MAST4: variants seen among roughly 807,000 people sequenced by gnomAD.
MAST4 encodes the protein microtubule-associated serine/threonine-protein kinase 4.
In MAST4, 89 loss-of-function variants were observed where a neutral mutation model predicts 162.7. The observed-to-expected ratio is 0.55, with a 90% CI of 0.46 to 0.65. The LOEUF is 0.65. Among genes scored for constraint, MAST4 ranks in the 30% least tolerant of loss-of-function variants. MAST4 has a pLI of 0.00. For synonymous variants in MAST4, 1,479 were observed against 1,361.1 expected, an observed-to-expected ratio of 1.09 and a Z score of -1.91; for missense variants, 3,153 against 3,374.0, an observed-to-expected ratio of 0.93 and a Z score of 1.62.
At chr5:66,732,760 T>C (rs1454728914) in intron 1 of MAST4, among the ~76,000 whole-genome samples, 1 of 152,234 alleles carries the variant, frequency 6.6e-6, no homozygotes, top group Non-Finnish European at 1.5e-5. Context: ...TGGTCTATTC[T>C]ACCTCATGAG....
intron 4 of MAST4, among the ~76,000 whole-genome samples, chr5:66,966,282 A>G (rs187551346): frequency 5.1e-4 from 77 of 152,306 alleles, no homozygotes; most frequent in Non-Finnish European, 8.8e-4. Context: ...TTCTTTAGTC[A>G]TTTTTATTTC....
chr5:66,949,948 T>C (rs1032591308), intron 4 of MAST4, among the ~76,000 whole-genome samples: 3 of 152,162 alleles, frequency 2.0e-5, no homozygotes. Flanking sequence ...ACCTCTAAAA[T>C]AGATTCTTTG....
In MAST4 at chr5:66,721,126, T is replaced by C. The variant is rs1405560937; in HGVS notation, c.364-38583T>C. ...CAGACTTTCCTTCTCTCCTGCATTG[T>C]GCGTGTCCACACATAAGTATGCTGT... is the stretch of plus-strand genomic sequence containing the variant. On this transcript the variant is annotated intron_variant, in intron 1 of 28. Transcript: ENST00000403625. 7.9e-5 allele frequency among the ~76,000 whole-genome samples: 12 copies of C among 152,354 alleles called. No individual in the cohort carries two copies. In the South Asian group the frequency reaches 1.7e-3, roughly 21 times the overall value.
At position 67,169,529 on chromosome 5, in the gene MAST4, A is replaced by ATCCTT. The variant is rs1365612168; in HGVS notation, c.*2479_*2480insCCTTT. ...TCCTTATGGACGTCATAATTGTTGTATATTGAACAAAATATTTATACTTAT... is the reference window on the plus strand; with the variant it reads ...TCCTTATGGACGTCATAATTGTTGTATCCTTTATTGAACAAAATATTTATACTTAT... On this transcript the variant is annotated 3_prime_UTR_variant, in exon 29 of 29. Coordinates refer to ENST00000403625, the MANE Select transcript of MAST4 (RefSeq NM_001164664.2). 3.9e-5 allele frequency: 6 copies of ATCCTT among 152,232 alleles called. No homozygotes were observed. Among genetic ancestry groups the ATCCTT allele is most frequent in the African/African-American group, 1.4e-4 (6 of 41,460 alleles). The allele number at this position is 152,232 out of a possible 1,614,324, so 9.4% of individuals were successfully genotyped here. A position where few individuals can be genotyped will look rare whatever the true frequency, so the allele number is the denominator to read the frequency against.
At chr5:66,810,476 G>C (rs1053317501) in intron 3 of MAST4, among the ~76,000 whole-genome samples, 2 of 152,204 alleles carry the variant, frequency 1.3e-5, no homozygotes, top group Admixed American at 6.5e-5. Context: ...ATCTTGAAGA[G>C]TGGCACACAT....
intron 3 of MAST4, among the ~76,000 whole-genome samples, chr5:66,829,856 A>T (rs2149754135): frequency 9.2e-6 from 1 of 108,918 alleles, no homozygotes; most frequent in Non-Finnish European, 2.1e-5. Context: ...CTATAATATT[A>T]ATATAGGCAA....
intron 4 of MAST4, among the ~76,000 whole-genome samples, chr5:67,013,815 G>C (rs1283097417): frequency 6.6e-6 from 1 of 152,138 alleles, no homozygotes; most frequent in East Asian, 1.9e-4. Flanking sequence ...AATTATGTTT[G>C]GCATGGGAAA....
At chr5:67,113,306 T>TCC (rs1766474676) in intron 11 of MAST4, among the ~76,000 whole-genome samples, 1 of 89,270 alleles carries the variant, frequency 1.1e-5, no homozygotes, top group Admixed American at 2.1e-4. Context: ...AGAGCGAGAC[T>TCC]CCGTCTCAAA....
chr5:67,052,885 T>C (rs2150552102), intron 4 of MAST4, among the ~76,000 whole-genome samples: 1 of 152,274 alleles, frequency 6.6e-6, no homozygotes, highest in East Asian at 1.9e-4. Flanking sequence ...TATTTCTGTA[T>C]TGGAATGAAA....
intron 4 of MAST4, among the ~76,000 whole-genome samples, chr5:66,987,256 A>T (rs1749615809): frequency 6.6e-6 from 1 of 152,152 alleles, no homozygotes; most frequent in African/African-American, 2.4e-5. Context: ...ACGAAAAAGG[A>T]GTCACACTTT....
intron 4 of MAST4, among the ~76,000 whole-genome samples, chr5:67,049,300 T>A (rs957670942): frequency 5.3e-5 from 8 of 151,924 alleles, no homozygotes; most frequent in African/African-American, 1.7e-4. Flanking sequence ...TCTATTAAAA[T>A]TTTTGAGACC....
At chr5:66,875,930 G>A (rs570561631) in intron 3 of MAST4, among the ~76,000 whole-genome samples, 1 of 152,172 alleles carries the variant, frequency 6.6e-6, no homozygotes, top group East Asian at 1.9e-4. Context: ...CCCAGCTCAC[G>A]TTTTTATTTT....
intron 4 of MAST4, among the ~76,000 whole-genome samples, chr5:66,999,302 G>A (rs780852273): frequency 1.1e-4 from 17 of 152,158 alleles, no homozygotes; most frequent in Non-Finnish European, 1.8e-4. Flanking sequence ...TAGAGTGCTG[G>A]AGTGTGCTTG....
intron 26 of MAST4, among the ~76,000 whole-genome samples, chr5:67,154,436 TG>T (rs1350195027): frequency 6.6e-6 from 1 of 152,254 alleles, no homozygotes; most frequent in African/African-American, 2.4e-5. Context: ...GAGACATAAT[TG>T]ATCACTTTCG....
intron 1 of MAST4, among the ~76,000 whole-genome samples, chr5:66,682,143 A>G (rs1194887993): frequency 6.6e-6 from 1 of 152,122 alleles, no homozygotes; most frequent in African/African-American, 2.4e-5. Context: ...CTCTGGGATG[A>G]AGTTTCACAT....
intron 1 of MAST4, among the ~76,000 whole-genome samples, chr5:66,717,256 A>AT (rs1407133954): frequency 1.3e-5 from 2 of 152,178 alleles, no homozygotes; most frequent in Non-Finnish European, 2.9e-5. Context: ...AAATGCTGCT[A>AT]TTAAGATAGA....
chr5:67,150,549 A>T (rs972838047), intron 24 of MAST4, among the ~76,000 whole-genome samples: 17 of 152,214 alleles, frequency 1.1e-4, no homozygotes, highest in Non-Finnish European at 1.8e-4. Context: ...CATAAGCTGA[A>T]GATGATGGTC....
chr5:66,947,663 C>G (rs1744196166), intron 4 of MAST4, among the ~76,000 whole-genome samples: 1 of 152,180 alleles, frequency 6.6e-6, no homozygotes, highest in Admixed American at 6.5e-5. Context: ...CTCCTCCGAC[C>G]TGCAAAGCAT....
intron 4 of MAST4, among the ~76,000 whole-genome samples, chr5:66,924,922 A>C (rs1764786354): frequency 6.6e-6 from 1 of 152,212 alleles, no homozygotes; most frequent in Non-Finnish European, 1.5e-5. Context: ...TTTAAGAAAT[A>C]GGATAACATT....
Sources: gnomAD v4.1 joint callset for allele counts (sites outside exome capture counted in the v4.1 genomes callset) on GRCh38, gnomAD v4.1.1 for gene constraint, MANE v1.5 for transcripts, NCBI Gene and HGNC (gene_info 2026-07-23, HGNC 2026-07-21) for gene names.